The following C3orf33 variants were observed in gnomAD, a reference collection of about 807,000 sequenced individuals.
C3orf33 encodes the protein AP-1 activity suppressor.
C3orf33 carries 23 observed loss-of-function variants against 28.7 expected under a neutral mutation model. The observed-to-expected ratio is 0.80, with a 90% confidence interval of 0.58 to 1.13. The LOEUF is 1.13. Among genes scored for constraint, C3orf33 ranks in the 50% most tolerant of loss-of-function variants. The pLI, the probability that C3orf33 is intolerant of heterozygous loss-of-function variation, is 0.00. For synonymous variants in C3orf33, 119 were observed against 120.5 expected, an observed-to-expected ratio of 0.99 and a Z score of 0.08; for missense variants, 327 against 353.4, an observed-to-expected ratio of 0.93 and a Z score of 0.60.
chr3:155,782,021 A>G (rs1471673580), intron 2 of C3orf33, among the ~76,000 whole-genome samples: 1 of 151,936 alleles, frequency 6.6e-6, no homozygotes, highest in African/African-American at 2.4e-5. Flanking sequence ...GGTTGCAGTG[A>G]GCCAACATGG....
At chr3:155,782,408 C>A (rs1036458319) in intron 2 of C3orf33, among the ~76,000 whole-genome samples, 1 of 151,486 alleles carries the variant, frequency 6.6e-6, no homozygotes, top group African/African-American at 2.4e-5. Context: ...CCAAAAAGCT[C>A]AACAAACTCC....
At chr3:155,805,766 T>A (rs1751791330) in intron 1 of C3orf33, 1 of 484,906 alleles carries the variant, frequency 2.1e-6, no homozygotes, top group Non-Finnish European at 4.0e-6. Context: ...AGAAATGCTC[T>A]CTCCCAAGGC....
chr3:155,769,783 C>T (rs1384729837), intron 3 of C3orf33, among the ~76,000 whole-genome samples: 1 of 152,128 alleles, frequency 6.6e-6, no homozygotes, highest in Non-Finnish European at 1.5e-5. Context: ...TGAAACCTGA[C>T]CTTCAAACCA....
At chr3:155,778,360 T>C (rs1347697170) in intron 2 of C3orf33, among the ~76,000 whole-genome samples, 4 of 152,186 alleles carry the variant, frequency 2.6e-5, no homozygotes, top group South Asian at 2.1e-4. Context: ...CTAATATTAA[T>C]GTGGGTATGT....
At position 155,763,511 on chromosome 3, in the gene C3orf33, A is replaced by G; in HGVS notation, c.*6T>C. 1 of 1,469,626 alleles carries G rather than the reference A, an allele frequency of 6.8e-7. No homozygotes were observed. Among genetic ancestry groups the G allele is most frequent in the East Asian group, 2.4e-5 (1 of 41,090 alleles). The allele number at this position is 1,469,626 out of a possible 1,614,324, so 91.0% of individuals were successfully genotyped here. On this transcript the variant is annotated 3_prime_UTR_variant, in exon 5 of 5. Transcript: ENST00000340171. Reference sequence around the variant, plus strand: ...GAGAAGGTTACCTCTAGATTTCTTGACCGTTTCACCCTTTTCTACGAAAGT... The same window carrying G: ...GAGAAGGTTACCTCTAGATTTCTTGGCCGTTTCACCCTTTTCTACGAAAGT...
chr3:155,765,610 C>T (rs1332450704), intron 4 of C3orf33, among the ~76,000 whole-genome samples: 3 of 152,136 alleles, frequency 2.0e-5, no homozygotes, highest in Non-Finnish European at 4.4e-5. Context: ...TGCAGTGGCA[C>T]GATCTCGGCT....
At chr3:155,790,029 T>C (rs1186807967) in intron 2 of C3orf33, among the ~76,000 whole-genome samples, 1 of 151,728 alleles carries the variant, frequency 6.6e-6, no homozygotes, top group Admixed American at 6.6e-5. Context: ...CCGGATGTAG[T>C]GGCGCATGCC....
At chr3:155,804,214 C>T (rs1230302141) in intron 1 of C3orf33, 7 of 422,446 alleles carry the variant, frequency 1.7e-5, no homozygotes, top group Non-Finnish European at 2.3e-5. Flanking sequence ...AAAATATGCA[C>T]AAAGGTACAT....
intron 3 of C3orf33, among the ~76,000 whole-genome samples, chr3:155,769,170 G>A (rs983576649): frequency 6.6e-6 from 1 of 152,186 alleles, no homozygotes. Flanking sequence ...AAATTAGCCA[G>A]GCATGGTGGC....
chr3:155,805,972 C>T (rs1384236916), intron 1 of C3orf33, among the ~76,000 whole-genome samples, 167 bp downstream of exon 1: 1 of 152,152 alleles, frequency 6.6e-6, no homozygotes, highest in Admixed American at 6.5e-5. Flanking sequence ...CCTCTGCAGC[C>T]CCGCACACAC....
rs1054523629 is a variant in C3orf33, at chr3:155,763,221, T to G, written c.*296A>C. On this transcript the variant is annotated 3_prime_UTR_variant, in exon 5 of 5. Transcript: ENST00000340171. ...CCCAAAATAACTAAAAACAACATAGTGGGTGAAGAGTTAAACTTTCTCTTC... is the reference window on the plus strand; with the variant it reads ...CCCAAAATAACTAAAAACAACATAGGGGGTGAAGAGTTAAACTTTCTCTTC... 9.7e-6 allele frequency: 2 copies of G among 205,734 alleles called. No individual in the cohort carries two copies. The highest frequency in any genetic ancestry group is 1.9e-5 in the Non-Finnish European group (2 of 104,564). 12.7% of individuals were successfully genotyped at this position (205,734 alleles called of 1,614,324 possible). A position where few individuals can be genotyped will look rare whatever the true frequency, so the allele number is the denominator to read the frequency against.
chr3:155,780,616 G>A (rs1185951177), intron 2 of C3orf33, among the ~76,000 whole-genome samples: 1 of 152,198 alleles, frequency 6.6e-6, no homozygotes, highest in Non-Finnish European at 1.5e-5. Context: ...AAGAAAATCA[G>A]CAATACAAAA....
chr3:155,763,797 A>G lies in C3orf33; in HGVS notation c.605T>C (p.Leu202Pro). 2 of 1,605,758 alleles carry G rather than the reference A, an allele frequency of 1.2e-6. No homozygotes were observed. The highest frequency in any genetic ancestry group is 1.7e-6 in the Non-Finnish European group (2 of 1,177,018). Reference sequence around the variant, plus strand: ...TTTTAAGGCTGTTAATTCAGCTTTAAGTAAGTTTCTGTGAACTGTCCAGTA... The same window carrying G: ...TTTTAAGGCTGTTAATTCAGCTTTAGGTAAGTTTCTGTGAACTGTCCAGTA... ...KIYWTVHRNL[L>P]KAELTALKKG... The change falls in exon 5 of 5, where the codon CTT becomes CCT. Residue 202 changes from leucine to proline, a missense_variant. Leu to Pro is a moderately conservative substitution (Grantham distance 98). Coordinates refer to ENST00000340171, the MANE Select transcript of C3orf33 (RefSeq NM_001308229.2).
chr3:155,787,982 C>G (rs959255035), intron 2 of C3orf33, among the ~76,000 whole-genome samples: 29 of 151,082 alleles, frequency 1.9e-4, no homozygotes, highest in Admixed American at 7.2e-4. Context: ...ATGAGGTCAG[C>G]AGATCAAGAC....
intron 2 of C3orf33, among the ~76,000 whole-genome samples, chr3:155,790,880 G>C (rs531012012): frequency 6.6e-6 from 1 of 152,254 alleles, no homozygotes; most frequent in East Asian, 1.9e-4. Flanking sequence ...AAACTTGAAA[G>C]GCAGTCTAGA....
chr3:155,802,092 A>C (rs1443476667), intron 2 of C3orf33, among the ~76,000 whole-genome samples: 1 of 152,230 alleles, frequency 6.6e-6, no homozygotes, highest in Non-Finnish European at 1.5e-5. Context: ...ATTATGTCTT[A>C]TGCTACCAAT....
chr3:155,804,321 T>G (rs947271688), intron 1 of C3orf33: 2 of 286,626 alleles, frequency 7.0e-6, no homozygotes, highest in East Asian at 2.9e-4. Context: ...TTTTTTAATT[T>G]GAAATAACCC....
At chr3:155,793,834 A>AAAAAAAAAAAAAAAC (rs778070795) in intron 2 of C3orf33, among the ~76,000 whole-genome samples, 3 of 146,496 alleles carry the variant, frequency 2.0e-5, no homozygotes, top group South Asian at 2.2e-4. Flanking sequence ...AAAACTAAAA[A>AAAAAAAAAAAAAAAC]AACTAAAAAA....
rs760219332 is a variant in C3orf33, at chr3:155,802,627, T to C, written c.115-36A>G. On this transcript the variant is annotated intron_variant, in intron 1 of 4. Transcript: ENST00000340171. ...AGATTTAAGGGTTAACCCTCACTAATTATTAGTCACAATAATGAAAGCACT... is the reference window on the plus strand; with the variant it reads ...AGATTTAAGGGTTAACCCTCACTAACTATTAGTCACAATAATGAAAGCACT... 7 of 1,492,676 alleles carry C rather than the reference T, an allele frequency of 4.7e-6. No individual in the cohort carries two copies. The South Asian group carries it at 6.0e-5, about 13-fold the overall frequency. 92.5% of individuals were successfully genotyped at this position (1,492,676 alleles called of 1,614,324 possible). A position where few individuals can be genotyped will look rare whatever the true frequency, so the allele number is the denominator to read the frequency against.
Sources: gnomAD v4.1 joint callset for allele counts (sites outside exome capture counted in the v4.1 genomes callset) on GRCh38, gnomAD v4.1.1 for gene constraint, MANE v1.5 for transcripts, NCBI Gene and HGNC (gene_info 2026-07-23, HGNC 2026-07-21) for gene names.